ROBO3: variants seen among roughly 807,000 people sequenced by gnomAD.
ROBO3 encodes roundabout homolog 3.
ROBO3 carries 97 observed loss-of-function variants against 160.5 expected under a neutral mutation model. The ratio of observed to expected loss-of-function variants is 0.60; its 90% CI spans 0.51 to 0.72. The LOEUF (loss-of-function observed/expected upper bound fraction) is 0.72. Ranked by LOEUF, ROBO3 falls within the 30% of genes least tolerant of loss-of-function variation. The pLI is 0.00. For missense variants in ROBO3, 1,858 were observed against 1,846.5 expected, an observed-to-expected ratio of 1.01 and a Z score of -0.11; for synonymous variants, 780 against 746.2, an observed-to-expected ratio of 1.05 and a Z score of -0.74.
At position 124,879,539 on chromosome 11, in the gene ROBO3, A is replaced by C; in HGVS notation, c.3760A>C (p.Lys1254Gln). The C allele has an allele frequency of 6.2e-7, 1 of 1,613,568 alleles. No individual in the cohort carries two copies. Among genetic ancestry groups the C allele is most frequent in the African/African-American group, 1.3e-5 (1 of 74,968 alleles). The change falls in exon 25 of 28, where the codon AAG (lysine) becomes CAG (glutamine). Residue 1254 changes from lysine (K) to glutamine (Q), a missense_variant. Physicochemically the swap from Lys to Gln is moderately conservative, Grantham distance 53. Transcript: ENST00000397801. ...GPRARFRKKP[K>Q]ALPYRRENSP... ...CCGTGCTCGATTCCGGAAGAAACCC[A>C]AGGCTCTTCCCTACAGGAGGGAGAA...
chr11:124,866,465 T>C (rs1455128308), intron 1 of ROBO3, among the ~76,000 whole-genome samples: 3 of 152,188 alleles, frequency 2.0e-5, no homozygotes, highest in Non-Finnish European at 4.4e-5. Context: ...GCCCCCTGCC[T>C]GCCGCATCGG....
chr11:124,880,323 T>A, intron 26 of ROBO3, 95 bp from the exon 27 acceptor site: 2 of 1,530,880 alleles, frequency 1.3e-6, no homozygotes, highest in Non-Finnish European at 1.8e-6. Flanking sequence ...TTCATCTTCT[T>A]CCAGAGCTGA....
chr11:124,876,292 G>A lies in ROBO3; in HGVS notation c.2611G>A (p.Glu871Lys). 6.8e-7 allele frequency: 1 copy of A among 1,463,254 alleles called. No homozygotes were observed. Among genetic ancestry groups the A allele is most frequent in the Non-Finnish European group, 8.9e-7 (1 of 1,120,228 alleles). The allele number at this position is 1,463,254 out of a possible 1,614,324, so 90.6% of individuals were successfully genotyped here. A position where few individuals can be genotyped will look rare whatever the true frequency, so the allele number is the denominator to read the frequency against. The change falls in exon 17 of 28, where the codon GAG becomes AAG. Residue 871 changes from glutamate to lysine, a missense_variant. Glu to Lys is a moderately conservative substitution (Grantham distance 56, BLOSUM62 1). Transcript: ENST00000397801. The surrounding 1 kb of genome is among the most constrained non-coding windows in gnomAD (Gnocchi z 5.3). ...LVQLPSPPDLEPGLEVGAGLA... is the reference protein window; with the variant it reads ...LVQLPSPPDLKPGLEVGAGLA... Reference sequence around the variant, plus strand: ...CCCCACAGCGTCCCCGCCGGACCTGGAGCCCGGGCTGGAGGTGGGCGCGGG... The same window carrying A: ...CCCCACAGCGTCCCCGCCGGACCTGAAGCCCGGGCTGGAGGTGGGCGCGGG...
In ROBO3 at chr11:124,874,885, C is replaced by G. The variant is rs2135332331; in HGVS notation, c.2049C>G (p.Pro683=). 6.2e-7 allele frequency: 1 copy of G among 1,602,862 alleles called. No individual in the cohort carries two copies. Residue 683 remains proline (P), a synonymous_variant, in exon 13 of 28, where the codon CCC becomes CCG. Coordinates refer to ENST00000397801, the MANE Select transcript of ROBO3 (RefSeq NM_022370.4). ...TGCAGGAGCCCATAGTCCTGGGACC[C>G]CGGACCCTGCAGGTGTCCTGGACTG... ...VRLQEPIVLG[P]RTLQVSWTVD...
At position 124,865,969 on chromosome 11, in the gene ROBO3, A is replaced by G. The variant is rs1591506018; in HGVS notation, c.160+232A>G. On this transcript the variant is annotated intron_variant, in intron 1 of 27. Transcript: ENST00000397801. This position sits in a 1 kb window ranked among gnomAD's most constrained non-coding sequence, Gnocchi z 5.5. ...GAAGATGGCTACTGAGTCTTTTTAC[A>G]CCTCCTTCCCTTCCCCTACAACGCC... is the stretch of plus-strand genomic sequence containing the variant. 6.6e-6 allele frequency among the ~76,000 whole-genome samples: 1 copy of G among 151,984 alleles called. No individual in the cohort carries two copies. Among genetic ancestry groups the G allele is most frequent in the Admixed American group, 6.5e-5 (1 of 15,282 alleles).
intron 27 of ROBO3, 130 bp downstream of exon 27, chr11:124,880,738 G>T: frequency 7.6e-7 from 1 of 1,324,034 alleles, no homozygotes; most frequent in Non-Finnish European, 1.0e-6. Flanking sequence ...GAGAGGGTGA[G>T]GGGGAGGGAG....
chr11:124,878,170 C>A lies in ROBO3; in HGVS notation c.3181+39C>A. 6.4e-7 allele frequency: 1 copy of A among 1,574,620 alleles called. No homozygotes were observed. Among genetic ancestry groups the A allele is most frequent in the Non-Finnish European group, 8.6e-7 (1 of 1,157,894 alleles). On this transcript the variant is annotated intron_variant, in intron 21 of 27. Coordinates refer to ENST00000397801, the MANE Select transcript of ROBO3 (RefSeq NM_022370.4). This position sits in a 1 kb window ranked among gnomAD's most constrained non-coding sequence, Gnocchi z 4.3. ...TCCTGAAACCCCGTTTAGCCCTGACCAGGGTATCCCCAAAGAGGATCCTCC... is the reference window on the plus strand; with the variant it reads ...TCCTGAAACCCCGTTTAGCCCTGACAAGGGTATCCCCAAAGAGGATCCTCC...
chr11:124,879,783 C>G lies in ROBO3; in HGVS notation c.3797-4C>G, dbSNP rs1399751615. On this transcript the variant is annotated splice_region_variant and splice_polypyrimidine_tract_variant and intron_variant, in intron 25 of 27. Coordinates refer to ENST00000397801, the MANE Select transcript of ROBO3 (RefSeq NM_022370.4). Reference sequence around the variant, plus strand: ...GGCTCCGCTGAAAACAGCTCCCTCCCCAGACTTGCCCCCACCACCCTTGCC... The same window carrying G: ...GGCTCCGCTGAAAACAGCTCCCTCCGCAGACTTGCCCCCACCACCCTTGCC... 1.2e-6 allele frequency: 2 copies of G among 1,613,638 alleles called. No individual in the cohort carries two copies. Among genetic ancestry groups the G allele is most frequent in the Non-Finnish European group, 1.7e-6 (2 of 1,179,774 alleles).
Position 124,869,557 on chromosome 11 carries a change from TCCTGGAGGAAGGACGGTGCAAGACTC to T in ROBO3, c.596_621del (p.Ser199Ter). On this transcript the variant is annotated frameshift_variant, in exon 3 of 28. Transcript: ENST00000397801. LOFTEE classifies it high-confidence loss of function. The surrounding 1 kb of genome is among the most constrained non-coding windows in gnomAD (Gnocchi z 4.2). ...CCGCGGCCACCCGGAGCCTTCCGTG[TCCTGGAGGAAGGACGGTGCAAGACTC>T]AAGGAAGAGGAAGGAAGGATCACGG... The T allele has an allele frequency of 2.5e-6, 4 of 1,570,424 alleles. No individual in the cohort carries two copies. The highest frequency in any genetic ancestry group is 3.5e-6 in the Non-Finnish European group (4 of 1,157,728).
Position 124,865,785 on chromosome 11 carries a change from G to A in ROBO3, c.160+48G>A, listed in dbSNP as rs1591505884. On this transcript the variant is annotated intron_variant, in intron 1 of 27. Transcript: ENST00000397801. The surrounding 1 kb of genome is among the most constrained non-coding windows in gnomAD (Gnocchi z 5.5). ...TATGGGATCCTGGGATGGGGATGAG[G>A]TGAGAGGGCGGCGTGGAAGGGAAGG... is the stretch of plus-strand genomic sequence containing the variant. 1.3e-6 allele frequency: 2 copies of A among 1,541,784 alleles called. No individual in the cohort carries two copies. The highest frequency in any genetic ancestry group is 1.7e-6 in the Non-Finnish European group (2 of 1,143,284).
chr11:124,869,145 C>A lies in ROBO3; in HGVS notation c.487+17C>A, dbSNP rs754367759. 4 of 1,525,136 alleles carry A rather than the reference C, an allele frequency of 2.6e-6. No individual in the cohort carries two copies. Among genetic ancestry groups the A allele is most frequent in the East Asian group, 2.4e-5 (1 of 42,082 alleles). The allele number at this position is 1,525,136 out of a possible 1,614,324, so 94.5% of individuals were successfully genotyped here. A position where few individuals can be genotyped will look rare whatever the true frequency, so the allele number is the denominator to read the frequency against. On this transcript the variant is annotated intron_variant, in intron 2 of 27. Transcript: ENST00000397801. This position sits in a 1 kb window ranked among gnomAD's most constrained non-coding sequence, Gnocchi z 4.2. ...AAGTGGCAGGTGAGAGTCAGTTGAC[C>A]GTCAGCTGGTTGCTTCCAGAGCCTG...
At chr11:124,870,969 A>T (rs756679092) in intron 6 of ROBO3, 45 bp from the exon 7 acceptor site, 32 of 1,590,154 alleles carry the variant, frequency 2.0e-5, no homozygotes, top group Non-Finnish European at 2.8e-5. Context: ...CTCCTTTCTT[A>T]GTGCCTCTGA....
chr11:124,877,098 G>A (rs1364407747), intron 17 of ROBO3, 63 bp from the exon 18 acceptor site: 31 of 1,563,874 alleles, frequency 2.0e-5, no homozygotes, highest in Non-Finnish European at 2.6e-5. Context: ...ACAAGTATAG[G>A]GGTATTTCTG....
rs759460726 is a variant in ROBO3 at position 124,879,910 on chromosome 11, C to T, written c.3920C>T (p.Ala1307Val). 1 of 1,605,042 alleles carries T rather than the reference C, an allele frequency of 6.2e-7. No individual in the cohort carries two copies. The highest frequency in any genetic ancestry group is 2.2e-5 in the East Asian group (1 of 44,468). The change falls in exon 26 of 28, where the codon GCC becomes GTC. Residue 1307 changes from alanine (A) to valine (V), a missense_variant. Physicochemically the swap from Ala to Val is moderately conservative, Grantham distance 64. Coordinates refer to ENST00000397801, the MANE Select transcript of ROBO3 (RefSeq NM_022370.4). Reference sequence around the variant, plus strand: ...AGTGGGGAGAGGAAAGCGGTCCAGGCCGTGCCCCTGGCAGCCCAGCGGGTG... The same window carrying T: ...AGTGGGGAGAGGAAAGCGGTCCAGGTCGTGCCCCTGGCAGCCCAGCGGGTG... ...ERSGERKAVQAVPLAAQRVLH... is the reference protein window; with the variant it reads ...ERSGERKAVQVVPLAAQRVLH...
At position 124,876,343 on chromosome 11, in the gene ROBO3, C is replaced by T. The variant is rs1207672827; in HGVS notation, c.2662C>T (p.Leu888=). The change falls in exon 17 of 28, where the codon CTG becomes TTG. Residue 888 remains leucine, a synonymous_variant. Transcript: ENST00000397801. This position sits in a 1 kb window ranked among gnomAD's most constrained non-coding sequence, Gnocchi z 5.3. ...GCTGGCGGTGCGGCTGGCGAGGGTG[C>T]TGCGGGAGCCCGCCTTCCTCGCGGG... ...AGLAVRLARV[L]REPAFLAGSG... is the part of the protein sequence containing the mutation. 4.9e-6 allele frequency: 7 copies of T among 1,435,232 alleles called. No homozygotes were observed. Among genetic ancestry groups the T allele is most frequent in the Non-Finnish European group, 6.3e-6 (7 of 1,103,792 alleles). 88.9% of individuals were successfully genotyped at this position (1,435,232 alleles called of 1,614,324 possible). A position where few individuals can be genotyped will look rare whatever the true frequency, so the allele number is the denominator to read the frequency against.
intron 1 of ROBO3, 186 bp from the exon 2 acceptor site, chr11:124,868,609 GACGAGGA>G (rs1389870441): frequency 1.6e-5 from 11 of 706,696 alleles, no homozygotes; most frequent in African/African-American, 3.5e-5. Flanking sequence ...CTTCCTTTGA[GACGAGGA>G]ACGCGGAACG....
At position 124,869,429 on chromosome 11, in the gene ROBO3, G is replaced by GCCGCCC; in HGVS notation, c.488-19_488-18insGCCCCC. The stretch of plus-strand genomic sequence containing the variant: ...TGTCACTCTACACCCTGCTTATTTC[G>GCCGCCC]CCCCCCACCGCCCCGCCCAGTCCTC... On this transcript the variant is annotated intron_variant, in intron 2 of 27. Coordinates refer to ENST00000397801, the MANE Select transcript of ROBO3 (RefSeq NM_022370.4). This position sits in a 1 kb window ranked among gnomAD's most constrained non-coding sequence, Gnocchi z 4.2. The GCCGCCC allele has an allele frequency of 7.7e-7, 1 of 1,295,756 alleles. No homozygotes were observed. Among genetic ancestry groups the GCCGCCC allele is most frequent in the Non-Finnish European group, 1.1e-6 (1 of 929,934 alleles). 80.3% of individuals were successfully genotyped at this position (1,295,756 alleles called of 1,614,324 possible). A position where few individuals can be genotyped will look rare whatever the true frequency, so the allele number is the denominator to read the frequency against.
intron 1 of ROBO3, among the ~76,000 whole-genome samples, chr11:124,866,494 G>A (rs1024067232): frequency 2.6e-5 from 4 of 152,248 alleles, no homozygotes; most frequent in Non-Finnish European, 5.9e-5. Context: ...GCTTTACCGG[G>A]CGCTTTCGCG....
In ROBO3 at chr11:124,874,598, C is replaced by T. The variant is rs116131104; in HGVS notation, c.1952-190C>T. 6.8e-3 allele frequency among the ~76,000 whole-genome samples: 1,031 copies of T among 152,286 alleles called. 10 individuals are homozygous for T. Among genetic ancestry groups the T allele is most frequent in the African/African-American group, 0.022 (932 of 41,548 alleles). On this transcript the variant is annotated intron_variant, in intron 12 of 27. Transcript: ENST00000397801. ...GAGGAACTGAGGCCTTTAAAGGATGCATGTGTAATTATGCTAGCTGGACAC... is the reference window on the plus strand; with the variant it reads ...GAGGAACTGAGGCCTTTAAAGGATGTATGTGTAATTATGCTAGCTGGACAC...
Sources: allele counts gnomAD v4.1 joint callset (sites outside exome capture counted in the v4.1 genomes callset), GRCh38; gene constraint gnomAD v4.1.1; non-coding constraint Gnocchi (gnomAD v3.1); transcripts MANE v1.5; gene names NCBI Gene and HGNC (gene_info 2026-07-23, HGNC 2026-07-21).